SHROOM3: variants seen among roughly 807,000 people sequenced by gnomAD.
SHROOM3 encodes protein Shroom3.
Under a neutral mutation model 138.6 loss-of-function variants are expected in SHROOM3, and 47 were observed. The ratio of observed to expected loss-of-function variants is 0.34; its 90% CI spans 0.27 to 0.43. The LOEUF is 0.43. SHROOM3 is among the 20% of genes least tolerant of loss of function. The pLI is 1.00. For missense variants in SHROOM3, 2,491 were observed against 2,596.5 expected, an observed-to-expected ratio of 0.96 and a Z score of 0.88; for synonymous variants, 1,062 against 1,063.3, an observed-to-expected ratio of 1.00 and a Z score of 0.02.
At chr4:76,756,360 CTT>C in intron 7 of SHROOM3, 87 bp from the exon 8 acceptor site, 1 of 1,484,086 alleles carries the variant, frequency 6.7e-7, no homozygotes, top group Middle Eastern at 2.4e-4. Context: ...CTCCCTCAGT[CTT>C]TCTCCACCCT....
At chr4:76,461,182 A>G (rs1289336121) in intron 1 of SHROOM3, among the ~76,000 whole-genome samples, 1 of 152,092 alleles carries the variant, frequency 6.6e-6, no homozygotes, top group African/African-American at 2.4e-5. Context: ...ACATAGTTCA[A>G]CCCCTAACAT....
chr4:76,681,402 G>C (rs944894354), intron 2 of SHROOM3, among the ~76,000 whole-genome samples: 1 of 151,828 alleles, frequency 6.6e-6, no homozygotes, highest in Non-Finnish European at 1.5e-5. Flanking sequence ...ATGTTTGCTG[G>C]GTACAAATAT....
chr4:76,746,113 G>GT (rs1326089481), intron 5 of SHROOM3, among the ~76,000 whole-genome samples: 1 of 152,154 alleles, frequency 6.6e-6, no homozygotes, highest in Non-Finnish European at 1.5e-5. Flanking sequence ...GTAGAGTGAG[G>GT]TTTTCACCCC....
intron 1 of SHROOM3, among the ~76,000 whole-genome samples, chr4:76,457,379 C>T (rs567338533): frequency 6.6e-6 from 1 of 152,212 alleles, no homozygotes; most frequent in South Asian, 2.1e-4. Context: ...TGCCTCATTC[C>T]CCCTTTGCTT....
intron 1 of SHROOM3, among the ~76,000 whole-genome samples, chr4:76,481,952 C>T (rs1374040420): frequency 6.6e-6 from 1 of 152,150 alleles, no homozygotes; most frequent in Non-Finnish European, 1.5e-5. Flanking sequence ...TAAAATTCAA[C>T]ACCCCTTCAT....
chr4:76,448,090 A>G (rs926689984), intron 1 of SHROOM3, among the ~76,000 whole-genome samples: 6 of 152,114 alleles, frequency 3.9e-5, no homozygotes, highest in African/African-American at 1.4e-4. Context: ...AGCATTATTT[A>G]TATGTGTCAG....
chr4:76,508,983 C>T (rs4452451), intron 1 of SHROOM3, among the ~76,000 whole-genome samples: 44,994 of 151,856 alleles, frequency 0.3, 7,516 homozygotes, highest in African/African-American at 0.44. Context: ...TTCCTTCAAC[C>T]TGTTTCATGA....
intron 2 of SHROOM3, among the ~76,000 whole-genome samples, chr4:76,649,050 A>T (rs901252702): frequency 2.0e-5 from 3 of 152,216 alleles, no homozygotes; most frequent in African/African-American, 7.2e-5. Flanking sequence ...GTTGGATAAG[A>T]GTAGGTATAT....
intron 2 of SHROOM3, among the ~76,000 whole-genome samples, chr4:76,564,507 T>C (rs1233861051): frequency 6.6e-6 from 1 of 152,208 alleles, no homozygotes; most frequent in Non-Finnish European, 1.5e-5. Flanking sequence ...TATAGAAGTA[T>C]AGTATTTTAT....
At chr4:76,673,830 C>G (rs777102295) in intron 2 of SHROOM3, among the ~76,000 whole-genome samples, 3 of 152,178 alleles carry the variant, frequency 2.0e-5, no homozygotes, top group Non-Finnish European at 4.4e-5. Flanking sequence ...ATCCATTAAA[C>G]AACCCCCGTG....
At position 76,755,017 on chromosome 4, in the gene SHROOM3, G is replaced by C; in HGVS notation, c.4534G>C (p.Asp1512His). ...EDYEDEVFVRDPHPKATSSPT... is the reference protein window; with the variant it reads ...EDYEDEVFVRHPHPKATSSPT... ...TTATGAAGACGAAGTGTTTGTGAGG[G>C]ATCCGCACCCCAAGGCCACGTCCAG... Residue 1512 changes from aspartate (D) to histidine (H), a missense_variant, in exon 7 of 11, where the codon GAT (aspartate) becomes CAT (histidine). By Grantham distance (81) the Asp-to-His change is moderately conservative. Coordinates refer to ENST00000296043, the MANE Select transcript of SHROOM3 (RefSeq NM_020859.4). 3 of 1,609,258 alleles carry C rather than the reference G, an allele frequency of 1.9e-6. No individual in the cohort carries two copies. The highest frequency in any genetic ancestry group is 2.6e-6 in the Non-Finnish European group (3 of 1,176,330).
At position 76,551,407 on chromosome 4, in the gene SHROOM3, G is replaced by A. The variant is rs150448912; in HGVS notation, c.169-4202G>A. On this transcript the variant is annotated intron_variant, in intron 1 of 10. Transcript: ENST00000296043. Reference sequence around the variant, plus strand: ...TTGATTGTTTCCTAGGTCTCATTTCGTTGAAATTGTTGGCAAATAATACTG... The same window carrying A: ...TTGATTGTTTCCTAGGTCTCATTTCATTGAAATTGTTGGCAAATAATACTG... Among the ~76,000 whole-genome samples, 1,349 of 152,054 alleles carry A rather than the reference G, an allele frequency of 8.9e-3. 64 individuals are homozygous for A. The highest frequency in any genetic ancestry group is 0.079 in the Admixed American group (1,214 of 15,274).
At chr4:76,445,861 G>C (rs1457555289) in intron 1 of SHROOM3, among the ~76,000 whole-genome samples, 2 of 152,026 alleles carry the variant, frequency 1.3e-5, no homozygotes, top group Non-Finnish European at 2.9e-5. Context: ...GTACTTCCTG[G>C]GTCTACAACA....
At chr4:76,644,644 A>C (rs547446920) in intron 2 of SHROOM3, among the ~76,000 whole-genome samples, 39 of 152,088 alleles carry the variant, frequency 2.6e-4, no homozygotes, top group African/African-American at 9.2e-4. Context: ...TGATGATTTG[A>C]TACATGTATA....
chr4:76,512,911 C>T (rs1732368114), intron 1 of SHROOM3, among the ~76,000 whole-genome samples: 1 of 152,164 alleles, frequency 6.6e-6, no homozygotes, highest in Admixed American at 6.5e-5. Context: ...TGGATTGGAT[C>T]ATAACCAACT....
At chr4:76,610,959 A>G (rs570436016) in intron 2 of SHROOM3, among the ~76,000 whole-genome samples, 177 of 152,296 alleles carry the variant, frequency 1.2e-3, no homozygotes, top group Admixed American at 4.4e-3. Context: ...AAACTATTTC[A>G]CAACAATCTC....
chr4:76,700,643 C>T (rs973751585), intron 2 of SHROOM3, among the ~76,000 whole-genome samples: 4 of 152,126 alleles, frequency 2.6e-5, no homozygotes, highest in Non-Finnish European at 5.9e-5. Context: ...GAGTCCAGTG[C>T]CTAATCCAAT....
chr4:76,495,268 G>A (rs1268045505), intron 1 of SHROOM3, among the ~76,000 whole-genome samples: 1 of 152,216 alleles, frequency 6.6e-6, no homozygotes, highest in African/African-American at 2.4e-5. Flanking sequence ...GCTGTAAGCT[G>A]TTGTATTGGC....
intron 2 of SHROOM3, among the ~76,000 whole-genome samples, chr4:76,599,091 C>G (rs1734449871): frequency 6.6e-6 from 1 of 152,118 alleles, no homozygotes; most frequent in Non-Finnish European, 1.5e-5. Flanking sequence ...AGGAGGATGA[C>G]TCCTAGGGTT....
Sources: allele counts gnomAD v4.1 joint callset (sites outside exome capture counted in the v4.1 genomes callset), GRCh38; gene constraint gnomAD v4.1.1; transcripts MANE v1.5; gene names NCBI Gene and HGNC (gene_info 2026-07-23, HGNC 2026-07-21).